Variants in JAK1 observed in about 807,000 individuals in gnomAD.
JAK1 encodes Janus kinase 1, also known as tyrosine-protein kinase JAK1.
JAK1 carries 16 observed loss-of-function variants against 136.6 expected under a neutral mutation model. That is an observed-to-expected ratio of 0.12 (90% CI 0.08 to 0.18). JAK1 has a LOEUF of 0.18. Among genes scored for constraint, JAK1 ranks in the 10% least tolerant of loss-of-function variants. The pLI, the probability that JAK1 is intolerant of heterozygous loss-of-function variation, is 1.00. For missense variants in JAK1, 859 were observed against 1,450.1 expected, an observed-to-expected ratio of 0.59 and a Z score of 6.62; for synonymous variants, 492 against 519.5, an observed-to-expected ratio of 0.95 and a Z score of 0.72.
chr1:65,030,594 G>A (rs1325356599), intron 2 of JAK1, among the ~76,000 whole-genome samples: 1 of 151,498 alleles, frequency 6.6e-6, no homozygotes, highest in Admixed American at 6.6e-5. Flanking sequence ...GTGCAGTGGT[G>A]CGATCTCTGC....
chr1:64,922,325 G>C (rs781505699), intron 1 of JAK1, among the ~76,000 whole-genome samples: 2 of 152,130 alleles, frequency 1.3e-5, no homozygotes, highest in African/African-American at 4.8e-5. Context: ...TGGAGGTAGA[G>C]AGATGCATTC....
intron 5 of JAK1, among the ~76,000 whole-genome samples, chr1:64,873,108 T>C (rs1406273825): frequency 9.9e-5 from 15 of 151,912 alleles, no homozygotes; most frequent in Non-Finnish European, 7.4e-5. Context: ...AAAAATAAAA[T>C]GGTAGGAGGT....
At chr1:65,046,838 C>T (rs1647187880) in intron 1 of JAK1, among the ~76,000 whole-genome samples, 3 of 132,270 alleles carry the variant, frequency 2.3e-5, no homozygotes, top group African/African-American at 8.2e-5. Context: ...GTGTGAGCCA[C>T]CGCAGTGTGA....
intron 1 of JAK1, chr1:64,942,508 T>C (rs1393745848): frequency 6.6e-6 from 1 of 152,236 alleles, no homozygotes; most frequent in Non-Finnish European, 1.5e-5. Flanking sequence ...ATCAGAATAT[T>C]TTTAAAGGAA....
At chr1:64,964,391 C>A (rs1165081450) in intron 1 of JAK1, among the ~76,000 whole-genome samples, 1 of 152,248 alleles carries the variant, frequency 6.6e-6, no homozygotes, top group East Asian at 1.9e-4. Flanking sequence ...GTTCTCTCTA[C>A]ACAAATGAGT....
chr1:65,060,638 C>T (rs1360075295), intron 1 of JAK1, among the ~76,000 whole-genome samples: 3 of 152,040 alleles, frequency 2.0e-5, no homozygotes, highest in African/African-American at 7.2e-5. Context: ...CCAAGCATCC[C>T]TAATAACAAG....
chr1:64,998,473 A>G (rs1321473693), intron 2 of JAK1, among the ~76,000 whole-genome samples: 1 of 152,208 alleles, frequency 6.6e-6, no homozygotes, highest in African/African-American at 2.4e-5. Flanking sequence ...AGACTCATTG[A>G]AAGTCTTGGA....
chr1:65,047,514 C>T (rs1316682114), intron 1 of JAK1, among the ~76,000 whole-genome samples: 1 of 152,118 alleles, frequency 6.6e-6, no homozygotes, highest in East Asian at 1.9e-4. Context: ...GTCAGGAGAT[C>T]GAGACCATCC....
chr1:65,039,263 A>G (rs1647106738), intron 2 of JAK1, among the ~76,000 whole-genome samples: 1 of 152,038 alleles, frequency 6.6e-6, no homozygotes, highest in Admixed American at 6.6e-5. Context: ...TGTTCCCACA[A>G]CTCACTACAG....
At chr1:64,869,637 A>G (rs902471796) in intron 5 of JAK1, among the ~76,000 whole-genome samples, 163 bp from the exon 6 acceptor site, 7 of 152,162 alleles carry the variant, frequency 4.6e-5, no homozygotes, top group African/African-American at 1.7e-4. Context: ...GTTGGGTGTG[A>G]AGGGGCTCAG....
chr1:64,973,295 G>GA (rs1037423791), intron 2 of JAK1, among the ~76,000 whole-genome samples: 1 of 141,948 alleles, frequency 7.0e-6, no homozygotes, highest in African/African-American at 2.6e-5. Context: ...GAAAGGGCGA[G>GA]AAAGAAAGAG....
chr1:65,032,627 C>A (rs537598033), intron 2 of JAK1, among the ~76,000 whole-genome samples: 1 of 152,156 alleles, frequency 6.6e-6, no homozygotes, highest in Non-Finnish European at 1.5e-5. Flanking sequence ...TCCTTCCATA[C>A]GTGAATCCTG....
intron 1 of JAK1, among the ~76,000 whole-genome samples, chr1:64,939,744 G>A (rs1312243408): frequency 6.6e-6 from 1 of 152,100 alleles, no homozygotes; most frequent in East Asian, 1.9e-4. Flanking sequence ...TCTGCACTCT[G>A]AAATCCAGCT....
chr1:64,998,811 C>A (rs550799175), intron 2 of JAK1, among the ~76,000 whole-genome samples: 1 of 152,196 alleles, frequency 6.6e-6, no homozygotes, highest in African/African-American at 2.4e-5. Flanking sequence ...CCTTGCCTTC[C>A]ACCATGATTG....
chr1:64,931,080 T>C (rs962294160), intron 1 of JAK1, among the ~76,000 whole-genome samples: 9 of 152,120 alleles, frequency 5.9e-5, no homozygotes, highest in Non-Finnish European at 1.2e-4. Context: ...CAAACCACCA[T>C]GGCACGTGTA....
intron 1 of JAK1, among the ~76,000 whole-genome samples, chr1:64,904,933 C>T: frequency 6.6e-6 from 1 of 152,126 alleles, no homozygotes; most frequent in South Asian, 2.1e-4. Flanking sequence ...TTACCTACTA[C>T]TCAACAACCC....
At chr1:64,973,204 G>A (rs752653720) in intron 2 of JAK1, 7 of 128,884 alleles carry the variant, frequency 5.4e-5, no homozygotes, top group Non-Finnish European at 1.1e-4. Context: ...AGAAAGAAAG[G>A]AAAAGAAAGA....
At chr1:64,908,952 A>G (rs1487999041) in intron 1 of JAK1, among the ~76,000 whole-genome samples, 1 of 152,222 alleles carries the variant, frequency 6.6e-6, no homozygotes, top group Non-Finnish European at 1.5e-5. Context: ...TACTGGCAAT[A>G]TAACAGACAC....
At chr1:64,883,994 C>A (rs1644816287) in intron 2 of JAK1, among the ~76,000 whole-genome samples, 1 of 152,126 alleles carries the variant, frequency 6.6e-6, no homozygotes, top group Non-Finnish European at 1.5e-5. Context: ...TCTTATCTCT[C>A]TTCACATCCC....
Sources: gnomAD v4.1 joint callset for allele counts (sites outside exome capture counted in the v4.1 genomes callset) on GRCh38, gnomAD v4.1.1 for gene constraint, MANE v1.5 for transcripts, NCBI Gene and HGNC (gene_info 2026-07-23, HGNC 2026-07-21) for gene names.